Variants in ACSL1 observed in about 807,000 individuals in gnomAD.
The protein encoded by ACSL1 is acyl-CoA synthetase long chain family member 1, also known as long-chain-fatty-acid--CoA ligase 1.
A neutral mutation model predicts 98.4 loss-of-function variants in ACSL1; 41 were observed. The ratio of observed to expected loss-of-function variants is 0.42; its 90% CI spans 0.32 to 0.54. The LOEUF (loss-of-function observed/expected upper bound fraction) is 0.54. ACSL1 is among the 20% of genes least tolerant of loss of function. The pLI, the probability that ACSL1 is intolerant of heterozygous loss-of-function variation, is 0.13. For synonymous variants in ACSL1, 316 were observed against 322.7 expected, an observed-to-expected ratio of 0.98 and a Z score of 0.22; for missense variants, 734 against 883.1, an observed-to-expected ratio of 0.83 and a Z score of 2.14.
chr4:184,770,053 T>C (rs907414361), intron 11 of ACSL1, among the ~76,000 whole-genome samples: 5 of 152,220 alleles, frequency 3.3e-5, no homozygotes, highest in Non-Finnish European at 5.9e-5. Context: ...TTTACCTTTA[T>C]AGTTGGTTTT....
In ACSL1 at chr4:184,788,715, C is replaced by T. The variant is rs374380326; in HGVS notation, c.212G>A (p.Arg71Gln). Residue 71 changes from arginine (R) to glutamine (Q), a missense_variant, in exon 3 of 21, where the codon CGA becomes CAA. Arg to Gln is a conservative substitution (Grantham distance 43). Coordinates refer to ENST00000281455, the MANE Select transcript of ACSL1 (RefSeq NM_001995.5). ...GTCGCTGTCAAGTAGTGCGGATCTT[C>T]GTGCACCACCACTACCCTATCAAAA... ...SVEVAGSGGARRSALLDSDEP... is the reference protein window; with the variant it reads ...SVEVAGSGGAQRSALLDSDEP... 3.7e-6 allele frequency: 6 copies of T among 1,613,976 alleles called. No individual in the cohort carries two copies. Among genetic ancestry groups the T allele is most frequent in the Non-Finnish European group, 5.1e-6 (6 of 1,180,004 alleles).
At chr4:184,808,201 C>G in intron 1 of ACSL1, 2 of 662,638 alleles carry the variant, frequency 3.0e-6, no homozygotes, top group African/African-American at 2.0e-5. Flanking sequence ...AGGTGACTCA[C>G]AAGGACATCA....
At chr4:184,816,013 C>T (rs1232223241) in intron 1 of ACSL1, among the ~76,000 whole-genome samples, 13 of 151,776 alleles carry the variant, frequency 8.6e-5, no homozygotes, top group Admixed American at 4.6e-4. Flanking sequence ...CCCGGCTACT[C>T]GGAGGCTGAG....
chr4:184,795,875 G>T (rs73012231), intron 2 of ACSL1, among the ~76,000 whole-genome samples: 1 of 152,220 alleles, frequency 6.6e-6, no homozygotes, highest in African/African-American at 2.4e-5. Flanking sequence ...TGAAAATGCT[G>T]ATGTTTGCAC....
intron 6 of ACSL1, 74 bp from the exon 7 acceptor site, chr4:184,776,736 G>T: frequency 9.1e-6 from 14 of 1,534,340 alleles, no homozygotes; most frequent in Non-Finnish European, 1.2e-5. Flanking sequence ...TCCAGCACAA[G>T]GATACTTGAA....
chr4:184,758,447 C>CA (rs1383272917), intron 18 of ACSL1: 1 of 154,454 alleles, frequency 6.5e-6, no homozygotes, highest in Non-Finnish European at 1.4e-5. Flanking sequence ...CCCAGCTACT[C>CA]AGGAGGCTGA....
In ACSL1 at chr4:184,794,906, C is replaced by T. The variant is rs1035963028; in HGVS notation, c.196-6175G>A. Among the ~76,000 whole-genome samples, 17 of 137,246 alleles carry T rather than the reference C, an allele frequency of 1.2e-4. No individual in the cohort carries two copies. In the East Asian group the frequency reaches 3.1e-3, roughly 25 times the overall value. 90.0% of individuals were successfully genotyped at this position (137,246 alleles called of 152,430 possible). ...TAGTCCATCTCCAGTTTCCAACTTC[C>T]CGGCTCCCCACTATCCCAGAGGATT... On this transcript the variant is annotated intron_variant, in intron 2 of 20. Coordinates refer to ENST00000281455, the MANE Select transcript of ACSL1 (RefSeq NM_001995.5).
chr4:184,775,470 T>TA (rs1197287357), intron 7 of ACSL1, among the ~76,000 whole-genome samples: 1 of 151,742 alleles, frequency 6.6e-6, no homozygotes, highest in African/African-American at 2.4e-5. Flanking sequence ...GGGTTAAAAG[T>TA]AAAAAAACAG....
chr4:184,808,992 C>T (rs561161960), intron 1 of ACSL1, among the ~76,000 whole-genome samples: 2 of 152,290 alleles, frequency 1.3e-5, no homozygotes, highest in South Asian at 4.1e-4. Flanking sequence ...CAAGTGGTTC[C>T]ACAGGGAGTC....
At chr4:184,819,169 G>A (rs28562837) in intron 1 of ACSL1, among the ~76,000 whole-genome samples, 1 of 146,166 alleles carries the variant, frequency 6.8e-6, no homozygotes, top group East Asian at 2.0e-4. Context: ...TGGAGACAGA[G>A]CCTCACTCTA....
At chr4:184,814,867 C>T (rs1772480674) in intron 1 of ACSL1, 2 of 374,794 alleles carry the variant, frequency 5.3e-6, no homozygotes, top group East Asian at 7.3e-5. Flanking sequence ...ATGTGAGCCA[C>T]TTCCACTTTC....
rs758757627 is a variant in ACSL1 at position 184,757,156 on chromosome 4, A to G, written c.2066T>C (p.Ile689Thr). The change falls in exon 21 of 21, where the codon ATA becomes ACA. Residue 689 changes from isoleucine (I) to threonine (T), a missense_variant. Coordinates refer to ENST00000281455, the MANE Select transcript of ACSL1 (RefSeq NM_001995.5). The surrounding 1 kb of genome is among the most constrained non-coding windows in gnomAD (Gnocchi z 4.5). ...PELRNYFRSQ[I>T]DDLYSTIKV is the part of the protein sequence containing the mutation. ...CTTGATAGTGGAATAGAGGTCATCT[A>G]TCTGCGACCTGAAATAGTTCCGCAG... The G allele has an allele frequency of 6.2e-7, 1 of 1,607,014 alleles. No homozygotes were observed. Among genetic ancestry groups the G allele is most frequent in the Non-Finnish European group, 8.5e-7 (1 of 1,174,044 alleles).
chr4:184,819,858 C>T (rs767720673), intron 1 of ACSL1, among the ~76,000 whole-genome samples: 1 of 152,146 alleles, frequency 6.6e-6, no homozygotes, highest in Non-Finnish European at 1.5e-5. Flanking sequence ...CAAAGGCCTT[C>T]ACTGTTTAAA....
chr4:184,808,375 C>T (rs1771695414), intron 1 of ACSL1: 1 of 985,318 alleles, frequency 1.0e-6, no homozygotes, highest in Non-Finnish European at 1.2e-6. Flanking sequence ...GTTCCTCAAG[C>T]TTTCATCAAG....
intron 2 of ACSL1, among the ~76,000 whole-genome samples, chr4:184,793,760 G>A (rs907726591): frequency 6.6e-6 from 1 of 152,186 alleles, no homozygotes; most frequent in Admixed American, 6.5e-5. Context: ...TCTAATGCGG[G>A]ATCCATCTCT....
At chr4:184,791,833 G>A (rs923900101) in intron 2 of ACSL1, among the ~76,000 whole-genome samples, 1 of 151,988 alleles carries the variant, frequency 6.6e-6, no homozygotes, top group Admixed American at 6.6e-5. Flanking sequence ...AAAGAAGGAG[G>A]GCTGAGAAGA....
Position 184,757,549 on chromosome 4 carries a change from C to G in ACSL1, c.1956+86G>C. On this transcript the variant is annotated intron_variant, in intron 20 of 20. Coordinates refer to ENST00000281455, the MANE Select transcript of ACSL1 (RefSeq NM_001995.5). The surrounding 1 kb of genome is among the most constrained non-coding windows in gnomAD (Gnocchi z 4.5). ...TCCTCATGTATGTCTTTAGGTCACC[C>G]CATATGTTTATATAATCTACCTGTA... 1 of 1,276,856 alleles carries G rather than the reference C, an allele frequency of 7.8e-7. No individual in the cohort carries two copies. The highest frequency in any genetic ancestry group is 1.1e-6 in the Non-Finnish European group (1 of 902,280). 79.1% of individuals were successfully genotyped at this position (1,276,856 alleles called of 1,614,324 possible). A position where few individuals can be genotyped will look rare whatever the true frequency, so the allele number is the denominator to read the frequency against.
In ACSL1 at chr4:184,757,177, C is replaced by T. The variant is rs183356632; in HGVS notation, c.2045G>A (p.Arg682Gln). Residue 682 changes from arginine (R) to glutamine (Q), a missense_variant, in exon 21 of 21, where the codon CGG becomes CAG. Arg to Gln is a conservative substitution (Grantham distance 43). Coordinates refer to ENST00000281455, the MANE Select transcript of ACSL1 (RefSeq NM_001995.5). The surrounding 1 kb of genome is among the most constrained non-coding windows in gnomAD (Gnocchi z 4.5). ...PTMKAKRPEL[R>Q]NYFRSQIDDL... ...ATCTATCTGCGACCTGAAATAGTTCCGCAGCTCTGGCCTTTTCGCCTTCAT... is the reference window on the plus strand; with the variant it reads ...ATCTATCTGCGACCTGAAATAGTTCTGCAGCTCTGGCCTTTTCGCCTTCAT... 47 of 1,609,472 alleles carry T rather than the reference C, an allele frequency of 2.9e-5. No homozygotes were observed. Among genetic ancestry groups the T allele is most frequent in the African/African-American group, 1.9e-4 (14 of 74,974 alleles).
chr4:184,811,105 CTTT>C (rs937302140), intron 1 of ACSL1, among the ~76,000 whole-genome samples: 1 of 150,876 alleles, frequency 6.6e-6, no homozygotes, highest in African/African-American at 2.4e-5. Context: ...ATGCACAATG[CTTT>C]TTTTTTGTTT....
Sources: gnomAD v4.1 joint callset for allele counts (sites outside exome capture counted in the v4.1 genomes callset) on GRCh38, gnomAD v4.1.1 for gene constraint, Gnocchi (gnomAD v3.1) non-coding constraint, MANE v1.5 for transcripts, NCBI Gene and HGNC (gene_info 2026-07-23, HGNC 2026-07-21) for gene names.